Variants in CAMTA1 observed in about 807,000 individuals in gnomAD.
The protein encoded by CAMTA1 is calmodulin binding transcription activator 1.
Under a neutral mutation model 170.9 loss-of-function variants are expected in CAMTA1, and 27 were observed. The ratio of observed to expected loss-of-function variants is 0.16; its 90% confidence interval spans 0.12 to 0.22. The LOEUF (loss-of-function observed/expected upper bound fraction) is 0.22. Among genes scored for constraint, CAMTA1 ranks in the 10% least tolerant of loss-of-function variants. The pLI is 1.00. For missense variants in CAMTA1, 1,619 were observed against 2,217.2 expected, an observed-to-expected ratio of 0.73 and a Z score of 5.42; for synonymous variants, 833 against 891.5, an observed-to-expected ratio of 0.93 and a Z score of 1.17.
intron 15 of CAMTA1, 69 bp downstream of exon 15, chr1:7,737,639 C>A: frequency 7.3e-7 from 1 of 1,371,812 alleles, no homozygotes; most frequent in Non-Finnish European, 1.0e-6. Flanking sequence ...CAGCTGCCCT[C>A]AGCAGAGTCC....
chr1:7,263,457 G>A (rs1668467446), intron 5 of CAMTA1, among the ~76,000 whole-genome samples: 2 of 152,136 alleles, frequency 1.3e-5, no homozygotes, highest in African/African-American at 4.8e-5. Context: ...ACATTGTGTT[G>A]GACACAAACC....
chr1:7,760,183 T>G (rs1441820536), intron 22 of CAMTA1, among the ~76,000 whole-genome samples: 3 of 152,220 alleles, frequency 2.0e-5, no homozygotes, highest in Non-Finnish European at 4.4e-5. Context: ...TTTAGTCACA[T>G]ATTTTCAAAC....
intron 3 of CAMTA1, among the ~76,000 whole-genome samples, chr1:7,077,417 C>T (rs1639446379): frequency 6.6e-6 from 1 of 151,942 alleles, no homozygotes; most frequent in South Asian, 2.1e-4. Flanking sequence ...GCTCTCTCTG[C>T]TTGAGTGTTG....
chr1:7,029,171 A>G (rs755963106), intron 3 of CAMTA1, among the ~76,000 whole-genome samples: 3 of 152,136 alleles, frequency 2.0e-5, no homozygotes, highest in Admixed American at 6.5e-5. Context: ...GTGAGCCTTC[A>G]TTGCTCTTAT....
At chr1:7,481,017 A>G (rs1447931382) in intron 6 of CAMTA1, among the ~76,000 whole-genome samples, 1 of 151,570 alleles carries the variant, frequency 6.6e-6, no homozygotes, top group Non-Finnish European at 1.5e-5. Context: ...GCTCAAGCCA[A>G]CCCTCCATTA....
rs1171874111 is a variant in CAMTA1, at chr1:7,401,823, T to C, written c.439-66007T>C. ...CAGTTTATTTTTGGTTGTTGTATATTGACCTGAGCTTAGGTCTTTATGGCT... is the reference window on the plus strand; with the variant it reads ...CAGTTTATTTTTGGTTGTTGTATATCGACCTGAGCTTAGGTCTTTATGGCT... On this transcript the variant is annotated intron_variant, in intron 5 of 22. Coordinates refer to ENST00000303635, the MANE Select transcript of CAMTA1 (RefSeq NM_015215.4). 2.0e-5 allele frequency among the ~76,000 whole-genome samples: 3 copies of C among 152,226 alleles called. No individual in the cohort carries two copies. In the East Asian group the frequency reaches 5.8e-4, roughly 29 times the overall value.
intron 5 of CAMTA1, among the ~76,000 whole-genome samples, chr1:7,433,250 G>T (rs1295801163): frequency 6.6e-6 from 1 of 152,240 alleles, no homozygotes; most frequent in African/African-American, 2.4e-5. Context: ...AGGAAGGGCT[G>T]TGCTGCCTGC....
At position 7,736,632 on chromosome 1, in the gene CAMTA1, C is replaced by T; in HGVS notation, c.3263+92C>T. On this transcript the variant is annotated intron_variant, in intron 13 of 22. Transcript: ENST00000303635. This position sits in a 1 kb window ranked among gnomAD's most constrained non-coding sequence, Gnocchi z 4.5. Reference sequence around the variant, plus strand: ...CTGCCACCCGTGGAAGAAATCTACCCATTCAGTCCACTTTATAGCCGGCGA... The same window carrying T: ...CTGCCACCCGTGGAAGAAATCTACCTATTCAGTCCACTTTATAGCCGGCGA... 4 of 1,266,738 alleles carry T rather than the reference C, an allele frequency of 3.2e-6. No homozygotes were observed. The highest frequency in any genetic ancestry group is 4.6e-6 in the Non-Finnish European group (4 of 878,286). 78.5% of individuals were successfully genotyped at this position (1,266,738 alleles called of 1,614,324 possible). A position where few individuals can be genotyped will look rare whatever the true frequency, so the allele number is the denominator to read the frequency against.
chr1:7,749,682 T>A, intron 19 of CAMTA1: 1 of 398,962 alleles, frequency 2.5e-6, no homozygotes, highest in South Asian at 1.8e-5. Context: ...TTTTTTTTTC[T>A]TGGTTGGGAG....
At chr1:6,958,758 T>A (rs1689899843) in intron 3 of CAMTA1, among the ~76,000 whole-genome samples, 1 of 152,244 alleles carries the variant, frequency 6.6e-6, no homozygotes, top group Non-Finnish European at 1.5e-5. Flanking sequence ...AGTATTTATT[T>A]TTTTTAATTA....
chr1:7,603,797 G>T (rs1250647208), intron 6 of CAMTA1, among the ~76,000 whole-genome samples: 1 of 152,090 alleles, frequency 6.6e-6, no homozygotes, highest in African/African-American at 2.4e-5. Flanking sequence ...TTACAATTTG[G>T]CATGTTTTTG....
intron 4 of CAMTA1, among the ~76,000 whole-genome samples, chr1:7,170,092 A>G (rs1438145697): frequency 6.6e-6 from 1 of 152,074 alleles, no homozygotes; most frequent in African/African-American, 2.4e-5. Flanking sequence ...TCCTTCTTCT[A>G]ATTTCTTAAG....
intron 22 of CAMTA1, among the ~76,000 whole-genome samples, chr1:7,757,646 G>A (rs1447597118): frequency 6.6e-6 from 1 of 152,002 alleles, no homozygotes; most frequent in African/African-American, 2.4e-5. Context: ...GTGTGCAGGA[G>A]AATCTGTTGA....
intron 3 of CAMTA1, among the ~76,000 whole-genome samples, chr1:6,950,030 A>G (rs1330010218): frequency 6.6e-6 from 1 of 152,236 alleles, no homozygotes; most frequent in Non-Finnish European, 1.5e-5. Flanking sequence ...GGCCCCATGC[A>G]GGCCCTATGA....
At chr1:7,271,129 A>G (rs115453543) in intron 5 of CAMTA1, among the ~76,000 whole-genome samples, 2,856 of 152,250 alleles carry the variant, frequency 0.019, 79 homozygotes, top group African/African-American at 0.063. Flanking sequence ...GGAAGTAATT[A>G]TGGTTAAATG....
At chr1:6,954,380 G>A (rs1164726337) in intron 3 of CAMTA1, among the ~76,000 whole-genome samples, 1 of 152,170 alleles carries the variant, frequency 6.6e-6, no homozygotes, top group Non-Finnish European at 1.5e-5. Context: ...GGGTGTGGAC[G>A]GGGGAAGCTC....
rs35763888 is a variant in CAMTA1 at position 7,410,897 on chromosome 1, CTGTGTG to C, written c.439-56911_439-56906del. ...CCCAACGTGCATGGAGGGTGGGCGT[CTGTGTG>C]TGTGTGTGTGTGTGTGTGTGTATGT... On this transcript the variant is annotated intron_variant, in intron 5 of 22. Coordinates refer to ENST00000303635, the MANE Select transcript of CAMTA1 (RefSeq NM_015215.4). Among the ~76,000 whole-genome samples the C allele has an allele frequency of 1.2e-3, 171 of 140,744 alleles. 1 individual carries two copies. The highest frequency in any genetic ancestry group is 3.6e-3 in the Middle Eastern group (1 of 280). 92.3% of individuals were successfully genotyped at this position (140,744 alleles called of 152,430 possible).
chr1:6,822,738 C>T (rs1304480848), intron 2 of CAMTA1, among the ~76,000 whole-genome samples: 1 of 151,750 alleles, frequency 6.6e-6, no homozygotes, highest in Non-Finnish European at 1.5e-5. Context: ...AAGACTGAAG[C>T]CTTTTCTATA....
At chr1:7,737,629 C>T in intron 15 of CAMTA1, 59 bp downstream of exon 15, 1 of 1,421,854 alleles carries the variant, frequency 7.0e-7, no homozygotes, top group East Asian at 2.3e-5. Flanking sequence ...TGCTTTCATG[C>T]AGCTGCCCTC....
Sources: gnomAD v4.1 joint callset for allele counts (sites outside exome capture counted in the v4.1 genomes callset) on GRCh38, gnomAD v4.1.1 for gene constraint, Gnocchi (gnomAD v3.1) non-coding constraint, MANE v1.5 for transcripts, NCBI Gene and HGNC (gene_info 2026-07-23, HGNC 2026-07-21) for gene names.